KLF8: variants seen among roughly 807,000 people sequenced by gnomAD.
KLF8 encodes the protein KLF transcription factor 8, also known as Krueppel-like factor 8.
Under a neutral mutation model 18.2 loss-of-function variants are expected in KLF8, and 10 were observed. The ratio of observed to expected loss-of-function variants is 0.55; its 90% CI spans 0.34 to 0.93. KLF8 has a LOEUF of 0.93. Ranked by LOEUF, KLF8 falls within the 40% of genes least tolerant of loss-of-function variation. The pLI, the probability that KLF8 is intolerant of heterozygous loss-of-function variation, is 0.02. For missense variants in KLF8, 264 were observed against 277.9 expected, an observed-to-expected ratio of 0.95 and a Z score of 0.36; for synonymous variants, 109 against 97.3, an observed-to-expected ratio of 1.12 and a Z score of -0.71.
chrX:55,993,600 A>G, the KLF8 span, among the ~76,000 whole-genome samples: 2 of 112,077 alleles, frequency 1.8e-5, no homozygotes, highest in African/African-American at 6.5e-5. Context: ...TTGGTATCCC[A>G]ATGATGCTGG....
At chrX:56,197,525 A>T in the KLF8 span, among the ~76,000 whole-genome samples, 1 of 111,884 alleles carries the variant, frequency 8.9e-6, no homozygotes, top group Non-Finnish European at 1.9e-5. Flanking sequence ...ACACCCTCCC[A>T]AGACTAAATC....
rs148805210 is a variant in KLF8 at position 56,275,485 on chromosome X, C to T, written c.898+5164C>T. On this transcript the variant is annotated intron_variant, in intron 5 of 5. Transcript: ENST00000468660. Reference sequence around the variant, plus strand: ...TCTTTTTCCTTTCCAATTTGGATGCCCTTTAATTCTTTTCTCATCTGACTC... The same window carrying T: ...TCTTTTTCCTTTCCAATTTGGATGCTCTTTAATTCTTTTCTCATCTGACTC... 4.4e-3 allele frequency among the ~76,000 whole-genome samples: 489 copies of T among 111,110 alleles called. 11 individuals are homozygous for T. The highest frequency in any genetic ancestry group is 0.043 in the Admixed American group (446 of 10,424).
the KLF8 span, among the ~76,000 whole-genome samples, chrX:56,105,463 A>G: frequency 2.7e-5 from 3 of 110,705 alleles, no homozygotes; most frequent in Admixed American, 9.6e-5. Flanking sequence ...CTTTACCATT[A>G]TGTAATGGCC....
the KLF8 span, among the ~76,000 whole-genome samples, chrX:56,102,428 A>G: frequency 9.0e-6 from 1 of 111,604 alleles, no homozygotes; most frequent in Admixed American, 9.5e-5. Flanking sequence ...TGCTTTGGCT[A>G]TTGAGGCTCT....
the KLF8 span, among the ~76,000 whole-genome samples, chrX:55,969,593 G>A: frequency 9.0e-6 from 1 of 111,219 alleles, no homozygotes; most frequent in South Asian, 3.7e-4. Flanking sequence ...AGATAACAAA[G>A]AGCGGAAATA....
the KLF8 span, among the ~76,000 whole-genome samples, chrX:55,960,623 G>A: frequency 3.7e-5 from 4 of 109,324 alleles, no homozygotes; most frequent in Non-Finnish European, 5.7e-5. Flanking sequence ...AGAAGGAGAA[G>A]GAGAAAAGAA....
At chrX:56,188,005 T>C in the KLF8 span, among the ~76,000 whole-genome samples, 1 of 111,344 alleles carries the variant, frequency 9.0e-6, no homozygotes, top group African/African-American at 3.3e-5. Context: ...TTCAACATAG[T>C]GTTGGAAGTT....
the KLF8 span, among the ~76,000 whole-genome samples, chrX:56,021,390 TTAA>T: frequency 2.7e-5 from 3 of 111,784 alleles, no homozygotes; most frequent in Non-Finnish European, 3.8e-5. Flanking sequence ...TTTTTGGCTA[TTAA>T]TAATAATCAT....
chrX:56,179,716 G>A, the KLF8 span, among the ~76,000 whole-genome samples: 2 of 111,594 alleles, frequency 1.8e-5, no homozygotes, highest in African/African-American at 6.5e-5. Context: ...GTTGAATTTT[G>A]TCAAAGGCCT....
chrX:56,104,638 G>A, the KLF8 span, among the ~76,000 whole-genome samples: 34 of 110,705 alleles, frequency 3.1e-4, no homozygotes, highest in South Asian at 5.4e-3. Flanking sequence ...GAGGACTATC[G>A]ATTTTGTTGA....
At chrX:56,105,111 T>G in the KLF8 span, among the ~76,000 whole-genome samples, 3 of 111,814 alleles carry the variant, frequency 2.7e-5, no homozygotes, top group Non-Finnish European at 5.6e-5. Flanking sequence ...CTTTTACGTT[T>G]GCTGAGGAGT....
the KLF8 span, among the ~76,000 whole-genome samples, chrX:55,983,031 A>C: frequency 8.9e-6 from 1 of 111,870 alleles, no homozygotes; most frequent in Non-Finnish European, 1.9e-5. Context: ...TGTTGTTGTC[A>C]TATAACTTTT....
At chrX:56,105,409 A>G in the KLF8 span, among the ~76,000 whole-genome samples, 1 of 111,636 alleles carries the variant, frequency 9.0e-6, no homozygotes, top group Non-Finnish European at 1.9e-5. Context: ...TGTATTGGGT[A>G]CAAATATATT....
At chrX:56,182,888 G>C in the KLF8 span, among the ~76,000 whole-genome samples, 1 of 112,466 alleles carries the variant, frequency 8.9e-6, no homozygotes, top group East Asian at 2.8e-4. Context: ...ATACTGGGAA[G>C]TGTCTCCCAG....
chrX:56,028,581 G>A, the KLF8 span, among the ~76,000 whole-genome samples: 1 of 111,485 alleles, frequency 9.0e-6, no homozygotes, highest in African/African-American at 3.3e-5. Flanking sequence ...CTAGCAGAAG[G>A]TCGTCCACGT....
At chrX:55,936,384 A>T in the KLF8 span, among the ~76,000 whole-genome samples, 1 of 112,490 alleles carries the variant, frequency 8.9e-6, no homozygotes, top group Non-Finnish European at 1.9e-5. Flanking sequence ...ACTTGTAAGA[A>T]TCTAGTCGAG....
At chrX:56,177,011 TTTTTCAAGG>T in the KLF8 span, among the ~76,000 whole-genome samples, 34 of 111,489 alleles carry the variant, frequency 3.0e-4, no homozygotes, top group Middle Eastern at 4.6e-3. Context: ...CGTCTAATTT[TTTTTCAAGG>T]TTTTTAACTT....
At chrX:56,196,747 C>G in the KLF8 span, among the ~76,000 whole-genome samples, 2 of 111,815 alleles carry the variant, frequency 1.8e-5, no homozygotes, top group Admixed American at 1.9e-4. Context: ...CCAAGCAGAT[C>G]TAATAGACAT....
At chrX:56,201,454 C>T in the KLF8 span, among the ~76,000 whole-genome samples, 19 of 110,648 alleles carry the variant, frequency 1.7e-4, no homozygotes, top group Admixed American at 1.5e-3. Flanking sequence ...GGGGTTGGGG[C>T]GGGGAATGGA....
Sources: gnomAD v4.1 joint callset for allele counts (sites outside exome capture counted in the v4.1 genomes callset) on GRCh38, gnomAD v4.1.1 for gene constraint, MANE v1.5 for transcripts, NCBI Gene and HGNC (gene_info 2026-07-23, HGNC 2026-07-21) for gene names.